Variants in DPP10 observed in about 807,000 individuals in gnomAD.
The protein encoded by DPP10 is inactive dipeptidyl peptidase 10.
DPP10 carries 33 observed loss-of-function variants against 120.9 expected under a neutral mutation model. That is an observed-to-expected ratio of 0.27 (90% CI 0.21 to 0.37). The LOEUF is 0.37. DPP10 is among the 10% of genes least tolerant of loss of function. The pLI is 1.00. For missense variants in DPP10, 816 were observed against 942.8 expected, an observed-to-expected ratio of 0.87 and a Z score of 1.76; for synonymous variants, 337 against 326.1, an observed-to-expected ratio of 1.03 and a Z score of -0.36.
intron 1 of DPP10, among the ~76,000 whole-genome samples, chr2:114,624,076 A>G (rs976073550): frequency 2.0e-5 from 3 of 152,048 alleles, no homozygotes; most frequent in African/African-American, 7.2e-5. Context: ...TTAGAGGGTC[A>G]TTATTATTGC....
intron 1 of DPP10, among the ~76,000 whole-genome samples, chr2:114,954,019 G>A (rs971667202): frequency 6.7e-6 from 1 of 149,878 alleles, no homozygotes; most frequent in Admixed American, 6.6e-5. Context: ...AAAACAAAAT[G>A]TAGAAATAAA....
intron 1 of DPP10, among the ~76,000 whole-genome samples, chr2:114,757,822 A>C (rs1679924922): frequency 6.6e-6 from 1 of 152,136 alleles, no homozygotes. Context: ...ATGTGTCCTC[A>C]AGCTTGAGAA....
intron 1 of DPP10, among the ~76,000 whole-genome samples, chr2:114,659,268 C>T (rs1205850494): frequency 6.6e-6 from 1 of 151,992 alleles, no homozygotes; most frequent in African/African-American, 2.4e-5. Context: ...GTTTCAGAGT[C>T]TTGTCATATA....
At chr2:115,469,037 A>C (rs1375443787) in intron 3 of DPP10, 1 of 192,558 alleles carries the variant, frequency 5.2e-6, no homozygotes, top group Non-Finnish European at 1.1e-5. Context: ...AGCTGACTAC[A>C]ACATCCACCT....
At chr2:114,464,386 A>G (rs570027378) in intron 1 of DPP10, among the ~76,000 whole-genome samples, 1 of 152,184 alleles carries the variant, frequency 6.6e-6, no homozygotes, top group East Asian at 1.9e-4. Flanking sequence ...TGCTACCTGT[A>G]TATCTTCTTT....
chr2:114,863,527 A>G (rs1365412308), intron 1 of DPP10, among the ~76,000 whole-genome samples: 1 of 152,030 alleles, frequency 6.6e-6, no homozygotes, highest in Non-Finnish European at 1.5e-5. Context: ...CCACTACCAG[A>G]TCTCCTTCCC....
intron 1 of DPP10, among the ~76,000 whole-genome samples, chr2:114,564,218 A>G (rs565395520): frequency 8.5e-5 from 13 of 152,308 alleles, no homozygotes; most frequent in East Asian, 7.7e-4. Context: ...CTCCACAATT[A>G]AAGCATAAAT....
chr2:115,240,435 C>G (rs1277986036), intron 1 of DPP10, among the ~76,000 whole-genome samples: 1 of 152,108 alleles, frequency 6.6e-6, no homozygotes, highest in Non-Finnish European at 1.5e-5. Context: ...CCTTTGACCA[C>G]TTTTTGATGG....
chr2:115,716,054 T>G (rs983478060), intron 7 of DPP10, among the ~76,000 whole-genome samples: 1 of 152,214 alleles, frequency 6.6e-6, no homozygotes, highest in Non-Finnish European at 1.5e-5. Context: ...GATTAAGAGA[T>G]CTAATCTAAA....
chr2:115,000,229 T>C (rs1480136275), intron 1 of DPP10, among the ~76,000 whole-genome samples: 1 of 152,126 alleles, frequency 6.6e-6, no homozygotes, highest in African/African-American at 2.4e-5. Flanking sequence ...CCTATATATG[T>C]GCTTTTTTGT....
intron 1 of DPP10, among the ~76,000 whole-genome samples, chr2:114,619,385 G>A (rs1573806875): frequency 1.4e-5 from 2 of 139,708 alleles, no homozygotes; most frequent in South Asian, 2.2e-4. Flanking sequence ...ATACATATGT[G>A]TGTGTGTGTG....
chr2:114,513,657 A>G (rs1684357891), intron 1 of DPP10, among the ~76,000 whole-genome samples: 1 of 152,112 alleles, frequency 6.6e-6, no homozygotes, highest in Admixed American at 6.6e-5. Flanking sequence ...GAAGAAACAG[A>G]CAAAATAAAA....
chr2:115,201,737 G>C (rs2055740477), intron 1 of DPP10, among the ~76,000 whole-genome samples: 1 of 152,112 alleles, frequency 6.6e-6, no homozygotes, highest in Admixed American at 6.6e-5. Flanking sequence ...TGCTCTGTAT[G>C]TGCTCCCAGC....
At chr2:114,630,658 C>G (rs779564744) in intron 1 of DPP10, among the ~76,000 whole-genome samples, 5 of 152,160 alleles carry the variant, frequency 3.3e-5, no homozygotes, top group Non-Finnish European at 5.9e-5. Context: ...GCAAGGTTTA[C>G]CAATGAGATA....
intron 1 of DPP10, among the ~76,000 whole-genome samples, chr2:114,522,654 C>A (rs567455177): frequency 6.6e-6 from 1 of 152,116 alleles, no homozygotes; most frequent in Non-Finnish European, 1.5e-5. Flanking sequence ...TCTGATTGGT[C>A]TTTTTGGGGT....
chr2:115,524,169 C>T (rs1250379627), intron 4 of DPP10, among the ~76,000 whole-genome samples: 2 of 152,064 alleles, frequency 1.3e-5, no homozygotes, highest in African/African-American at 4.8e-5. Flanking sequence ...CAGGAATTAG[C>T]GTACACCCAC....
At chr2:114,864,063 G>A (rs1330244743) in intron 1 of DPP10, among the ~76,000 whole-genome samples, 1 of 152,188 alleles carries the variant, frequency 6.6e-6, no homozygotes, top group Non-Finnish European at 1.5e-5. Context: ...TAACATTTTT[G>A]AAGAAATGCA....
rs376379014 is a variant in DPP10 at position 115,748,092 on chromosome 2, A to C, written c.950+1909A>C. On this transcript the variant is annotated intron_variant, in intron 10 of 25. Coordinates refer to ENST00000410059, the MANE Select transcript of DPP10 (RefSeq NM_020868.6). Reference sequence around the variant, plus strand: ...TACTTTCTTCATGTCCTATTAAGTTAATCAAATGTCCTCTCTTCTCTTTGA... The same window carrying C: ...TACTTTCTTCATGTCCTATTAAGTTCATCAAATGTCCTCTCTTCTCTTTGA... Among the ~76,000 whole-genome samples the C allele has an allele frequency of 2.6e-5, 4 of 152,204 alleles. No homozygotes were observed. The East Asian group carries it at 7.7e-4, about 29-fold the overall frequency.
intron 3 of DPP10, among the ~76,000 whole-genome samples, chr2:115,378,028 C>T (rs866597949): frequency 4.7e-4 from 72 of 151,818 alleles, no homozygotes; most frequent in Middle Eastern, 3.4e-3. Context: ...ATTGACTTGG[C>T]GATGCGGGCT....
Sources: allele counts gnomAD v4.1 joint callset (sites outside exome capture counted in the v4.1 genomes callset), GRCh38; gene constraint gnomAD v4.1.1; transcripts MANE v1.5; gene names NCBI Gene and HGNC (gene_info 2026-07-23, HGNC 2026-07-21).